The following TAFA1 variants were observed in gnomAD, a reference collection of about 807,000 sequenced individuals.
TAFA1 encodes chemokine-like protein TAFA-1.
In TAFA1, 4 loss-of-function variants were observed where a neutral mutation model predicts 18.5. The ratio of observed to expected loss-of-function variants is 0.22; its 90% CI spans 0.11 to 0.49. TAFA1 has a LOEUF of 0.49. Ranked by LOEUF, TAFA1 falls within the 20% of genes least tolerant of loss-of-function variation. The pLI, the probability that TAFA1 is intolerant of heterozygous loss-of-function variation, is 0.98. For synonymous variants in TAFA1, 56 were observed against 55.2 expected, an observed-to-expected ratio of 1.01 and a Z score of -0.06; for missense variants, 147 against 169.0, an observed-to-expected ratio of 0.87 and a Z score of 0.72.
At chr3:68,324,859 G>A (rs924113353) in intron 2 of TAFA1, among the ~76,000 whole-genome samples, 2 of 152,288 alleles carry the variant, frequency 1.3e-5, no homozygotes, top group Middle Eastern at 3.4e-3. Flanking sequence ...TTTTAGGCAG[G>A]AAAGGGATGA....
chr3:68,385,160 C>G (rs1262653409), intron 2 of TAFA1, among the ~76,000 whole-genome samples: 1 of 152,010 alleles, frequency 6.6e-6, no homozygotes, highest in Non-Finnish European at 1.5e-5. Flanking sequence ...ATAGAGCCTA[C>G]CTCACTGGGT....
chr3:68,516,861 C>A (rs1160942886), intron 3 of TAFA1, among the ~76,000 whole-genome samples: 1 of 152,108 alleles, frequency 6.6e-6, no homozygotes, highest in South Asian at 2.1e-4. Flanking sequence ...GCAACCTCCA[C>A]GTCCTGGGTT....
chr3:68,469,852 T>C (rs1429784113), intron 3 of TAFA1, among the ~76,000 whole-genome samples: 1 of 152,178 alleles, frequency 6.6e-6, no homozygotes, highest in Non-Finnish European at 1.5e-5. Context: ...AGTTTTCTTA[T>C]CTGCAAAATG....
chr3:68,294,740 G>A (rs2068177701), intron 2 of TAFA1, among the ~76,000 whole-genome samples: 1 of 152,062 alleles, frequency 6.6e-6, no homozygotes, highest in South Asian at 2.1e-4. Context: ...AGCTGGGCAT[G>A]GTGGCACACA....
chr3:68,438,297 C>T (rs2071301497), intron 3 of TAFA1, among the ~76,000 whole-genome samples: 1 of 152,102 alleles, frequency 6.6e-6, no homozygotes, highest in African/African-American at 2.4e-5. Context: ...TGGGAGGTTA[C>T]AGTGAGCCAG....
intron 2 of TAFA1, among the ~76,000 whole-genome samples, chr3:68,015,926 A>G (rs1704561282): frequency 6.6e-6 from 1 of 152,212 alleles, no homozygotes; most frequent in South Asian, 2.1e-4. Flanking sequence ...ACTGGCTGTC[A>G]GCTCTTGGAA....
At chr3:68,042,573 T>C (rs897078000) in intron 2 of TAFA1, among the ~76,000 whole-genome samples, 4 of 152,246 alleles carry the variant, frequency 2.6e-5, no homozygotes, top group African/African-American at 9.6e-5. Flanking sequence ...CTCTTGAACC[T>C]GGGAGGTGGA....
At chr3:68,301,261 C>A (rs1363627137) in intron 2 of TAFA1, among the ~76,000 whole-genome samples, 1 of 152,134 alleles carries the variant, frequency 6.6e-6, no homozygotes. Flanking sequence ...TTATAAACTT[C>A]ATCCTCCTTA....
intron 2 of TAFA1, among the ~76,000 whole-genome samples, chr3:68,227,074 G>C (rs2066810276): frequency 6.6e-6 from 1 of 152,178 alleles, no homozygotes; most frequent in South Asian, 2.1e-4. Context: ...ATGAAACAAT[G>C]AGCTGCTGAA....
intron 2 of TAFA1, among the ~76,000 whole-genome samples, chr3:68,325,509 T>A (rs1249825910): frequency 6.6e-6 from 1 of 152,182 alleles, no homozygotes; most frequent in Non-Finnish European, 1.5e-5. Context: ...CATGTTTGTA[T>A]CTACTATCAT....
chr3:68,166,674 G>A (rs1281746930), intron 2 of TAFA1, among the ~76,000 whole-genome samples: 5 of 152,100 alleles, frequency 3.3e-5, no homozygotes, highest in Non-Finnish European at 4.4e-5. Flanking sequence ...CTTGTGAAGC[G>A]CATAATGGGA....
intron 2 of TAFA1, among the ~76,000 whole-genome samples, chr3:68,293,353 T>C (rs1228946509): frequency 6.6e-6 from 1 of 152,006 alleles, no homozygotes; most frequent in Non-Finnish European, 1.5e-5. Context: ...GTAATAAAAC[T>C]GCACATTCTG....
intron 3 of TAFA1, among the ~76,000 whole-genome samples, chr3:68,484,228 C>G (rs1019190104): frequency 6.6e-6 from 1 of 152,134 alleles, no homozygotes; most frequent in Non-Finnish European, 1.5e-5. Context: ...TATAGCGTAT[C>G]TCATTTGGAA....
chr3:68,391,417 C>T (rs2070243322), intron 2 of TAFA1, among the ~76,000 whole-genome samples: 1 of 152,138 alleles, frequency 6.6e-6, no homozygotes, highest in African/African-American at 2.4e-5. Context: ...GAGAATGGAA[C>T]CAAGTTGGAA....
At chr3:68,167,464 C>G (rs12629045) in intron 2 of TAFA1, among the ~76,000 whole-genome samples, 28,867 of 151,434 alleles carry the variant, frequency 0.19, 3,126 homozygotes, top group Middle Eastern at 0.28. Flanking sequence ...GTAGTCCCAG[C>G]TACTCGGGAG....
intron 2 of TAFA1, among the ~76,000 whole-genome samples, chr3:68,034,392 A>G (rs1705002465): frequency 1.3e-5 from 2 of 152,182 alleles, no homozygotes; most frequent in Admixed American, 6.6e-5. Flanking sequence ...ATGTACTACC[A>G]TTACTAACTT....
At chr3:68,310,384 A>C (rs866990901) in intron 2 of TAFA1, among the ~76,000 whole-genome samples, 1 of 152,168 alleles carries the variant, frequency 6.6e-6, no homozygotes, top group Non-Finnish European at 1.5e-5. Context: ...TTTCTGGTGA[A>C]TTATTGCCAT....
chr3:68,071,908 G>A (rs6763565), intron 2 of TAFA1, among the ~76,000 whole-genome samples: 20,280 of 151,838 alleles, frequency 0.13, 1,536 homozygotes, highest in East Asian at 0.35. Context: ...TGAGGGATCC[G>A]CCCCCATGTC....
intron 2 of TAFA1, among the ~76,000 whole-genome samples, chr3:68,386,370 G>A (rs1197655335): frequency 6.6e-6 from 1 of 152,106 alleles, no homozygotes; most frequent in African/African-American, 2.4e-5. Context: ...CTGGTGATGT[G>A]TAGTGACTGA....
Sources: gnomAD v4.1 joint callset for allele counts (sites outside exome capture counted in the v4.1 genomes callset) on GRCh38, gnomAD v4.1.1 for gene constraint, MANE v1.5 for transcripts, NCBI Gene and HGNC (gene_info 2026-07-23, HGNC 2026-07-21) for gene names.